Variants in RNF111 observed in about 807,000 individuals in gnomAD.
RNF111 encodes the protein E3 ubiquitin-protein ligase Arkadia.
RNF111 carries 17 observed loss-of-function variants against 95.1 expected under a neutral mutation model. That is an observed-to-expected ratio of 0.18 (90% CI 0.12 to 0.27). The LOEUF is 0.27. Among genes scored for constraint, RNF111 ranks in the 10% least tolerant of loss-of-function variants. The pLI is 1.00. For missense variants in RNF111, 1,189 were observed against 1,210.4 expected (o/e 0.98, Z 0.26); for synonymous variants, 440 against 414.8 (o/e 1.06, Z -0.74).
intron 2 of RNF111, among the ~76,000 whole-genome samples, chr15:59,032,021 C>G (rs1052666638): frequency 6.6e-6 from 1 of 152,116 alleles, no homozygotes; most frequent in Admixed American, 6.5e-5. Flanking sequence ...TCACTGCAAC[C>G]TCCGCCTCCT....
At chr15:59,061,749 C>G (rs1350176811) in intron 5 of RNF111, among the ~76,000 whole-genome samples, 1 of 152,156 alleles carries the variant, frequency 6.6e-6, no homozygotes, top group Non-Finnish European at 1.5e-5. Context: ...GGCATCTTCT[C>G]TGGTTTCATT....
chr15:58,999,427 CCAGGTT>C (rs1399800181), intron 1 of RNF111, among the ~76,000 whole-genome samples: 2 of 152,098 alleles, frequency 1.3e-5, no homozygotes, highest in Admixed American at 1.3e-4. Context: ...TCTCCGCCCC[CCAGGTT>C]CAAGCAATTC....
Position 59,092,532 on chromosome 15 carries a change from C to T in RNF111, c.2740-5C>T. ...AATAAGGTAACAACTGATTGGTTCT[C>T]ACAGAGGAAACTGCACTGCAAACAA... On this transcript the variant is annotated splice_region_variant and splice_polypyrimidine_tract_variant and intron_variant, in intron 12 of 13. Coordinates refer to ENST00000348370, the MANE Select transcript of RNF111 (RefSeq NM_017610.8). The T allele has an allele frequency of 6.2e-7, 1 of 1,611,366 alleles. No homozygotes were observed. The highest frequency in any genetic ancestry group is 1.1e-5 in the South Asian group (1 of 90,670).
At chr15:59,072,450 C>CTTTTTT (rs35989790) in intron 6 of RNF111, among the ~76,000 whole-genome samples, 43 of 102,782 alleles carry the variant, frequency 4.2e-4, no homozygotes, top group Non-Finnish European at 5.7e-4. Flanking sequence ...TCATTTCCAT[C>CTTTTTT]TTTTTTTTTT....
chr15:59,006,572 C>A (rs2039548436), intron 1 of RNF111, among the ~76,000 whole-genome samples: 2 of 152,196 alleles, frequency 1.3e-5, no homozygotes, highest in Admixed American at 1.3e-4. Context: ...ATCTCCCTGC[C>A]ACCTAGATTC....
chr15:59,013,784 T>C (rs2039937060), intron 1 of RNF111, among the ~76,000 whole-genome samples: 1 of 152,070 alleles, frequency 6.6e-6, no homozygotes, highest in African/African-American at 2.4e-5. Flanking sequence ...TCATGGATAT[T>C]CATTTTTTTT....
At chr15:59,093,337 CTTTTTTTTTTT>C (rs1236130195) in intron 13 of RNF111, 23 of 272,888 alleles carry the variant, frequency 8.4e-5, no homozygotes, top group South Asian at 3.3e-4. Flanking sequence ...TTTACAGCAT[CTTTTTTTTTTT>C]TTTTTTTTTT....
intron 6 of RNF111, among the ~76,000 whole-genome samples, chr15:59,068,619 T>G (rs1367043231): frequency 6.6e-6 from 1 of 151,704 alleles, no homozygotes; most frequent in Non-Finnish European, 1.5e-5. Flanking sequence ...TTTTTTTTTC[T>G]TTTTTTTGAG....
intron 3 of RNF111, among the ~76,000 whole-genome samples, chr15:59,053,718 A>C (rs1458059888): frequency 6.6e-6 from 1 of 152,146 alleles, no homozygotes; most frequent in African/African-American, 2.4e-5. Flanking sequence ...TATGAGCTGT[A>C]AGGACTACTG....
intron 1 of RNF111, among the ~76,000 whole-genome samples, chr15:59,008,941 T>C (rs1206279433): frequency 6.6e-6 from 1 of 152,014 alleles, no homozygotes; most frequent in African/African-American, 2.4e-5. Flanking sequence ...TGTGTTAATA[T>C]TGTCACGTAT....
At chr15:58,988,627 A>AAT (rs2038674955) in intron 1 of RNF111, among the ~76,000 whole-genome samples, 1 of 152,216 alleles carries the variant, frequency 6.6e-6, no homozygotes, top group Non-Finnish European at 1.5e-5. Context: ...CTATAGTGGG[A>AAT]ATATCTGTTC....
chr15:59,023,335 T>A (rs2040438987), intron 1 of RNF111, among the ~76,000 whole-genome samples: 1 of 152,192 alleles, frequency 6.6e-6, no homozygotes, highest in African/African-American at 2.4e-5. Flanking sequence ...AAATTGAATT[T>A]CCCATAAATT....
chr15:59,090,948 TTATATTGCAAGTTTCTAAG>T, intron 11 of RNF111, 92 bp from the exon 12 acceptor site: 1 of 632,178 alleles, frequency 1.6e-6, no homozygotes, highest in Non-Finnish European at 2.8e-6. Context: ...AACACTGTAT[TTATATTGCAAGTTTCTAAG>T]TATGGAGGTT....
chr15:59,075,035 T>C (rs1235144403), intron 6 of RNF111, among the ~76,000 whole-genome samples: 1 of 152,248 alleles, frequency 6.6e-6, no homozygotes, highest in East Asian at 1.9e-4. Context: ...TTGTCTTATA[T>C]GGGCACAGTT....
intron 5 of RNF111, among the ~76,000 whole-genome samples, chr15:59,064,571 T>G: frequency 6.6e-6 from 1 of 150,570 alleles, no homozygotes; most frequent in African/African-American, 2.4e-5. Flanking sequence ...ATTTGTCGAC[T>G]TTGTTTTTTT....
chr15:59,009,161 A>G (rs146191182), intron 1 of RNF111, among the ~76,000 whole-genome samples: 2 of 151,972 alleles, frequency 1.3e-5, no homozygotes, highest in East Asian at 3.9e-4. Context: ...GGTTTCACCA[A>G]GTTGGCCAGG....
chr15:59,015,695 C>G (rs745827922), intron 1 of RNF111, among the ~76,000 whole-genome samples: 1 of 151,366 alleles, frequency 6.6e-6, no homozygotes, highest in Non-Finnish European at 1.5e-5. Flanking sequence ...CATTTCTTAG[C>G]ATTGTTTGAA....
At chr15:58,993,207 T>G (rs1265170484) in intron 1 of RNF111, among the ~76,000 whole-genome samples, 1 of 151,468 alleles carries the variant, frequency 6.6e-6, no homozygotes, top group Non-Finnish European at 1.5e-5. Context: ...TAAAAATGTT[T>G]TAAAATAATT....
chr15:59,077,239 A>T (rs1180111302), intron 7 of RNF111, among the ~76,000 whole-genome samples: 1 of 152,210 alleles, frequency 6.6e-6, no homozygotes. Flanking sequence ...TTGAAATTCA[A>T]TATGCTTAAT....
Sources: allele counts gnomAD v4.1 joint callset (sites outside exome capture counted in the v4.1 genomes callset), GRCh38; gene constraint gnomAD v4.1.1; transcripts MANE v1.5; gene names NCBI Gene and HGNC (gene_info 2026-07-23, HGNC 2026-07-21).